The following PCCA variants were observed in gnomAD, a reference collection of about 807,000 sequenced individuals.
PCCA encodes propionyl-CoA carboxylase alpha chain, mitochondrial.
PCCA carries 74 observed loss-of-function variants against 101.3 expected under a neutral mutation model. That is an observed-to-expected ratio of 0.73 (90% CI 0.61 to 0.89). PCCA has a LOEUF of 0.89. PCCA is among the 40% of genes least tolerant of loss of function. PCCA has a pLI of 0.00. For missense variants in PCCA, 891 were observed against 907.0 expected (o/e 0.98, Z 0.23); for synonymous variants, 294 against 313.6 (o/e 0.94, Z 0.66).
At position 100,157,177 on chromosome 13, in the gene PCCA, T is replaced by G. The variant is rs182924289; in HGVS notation, c.415-110T>G. ...CAGTGTATAAGAGAAGTGTACTTAT[T>G]CAAGGGCTCTTGAACAGTAAATATT... On this transcript the variant is annotated intron_variant, in intron 5 of 23. Transcript: ENST00000376285. 2,775 of 706,430 alleles carry G rather than the reference T, an allele frequency of 3.9e-3. 7 individuals carry two copies. Among genetic ancestry groups the G allele is most frequent in the Non-Finnish European group, 4.7e-3 (1,859 of 399,552 alleles). The allele number at this position is 706,430 out of a possible 1,614,324, so 43.8% of individuals were successfully genotyped here. A position where few individuals can be genotyped will look rare whatever the true frequency, so the allele number is the denominator to read the frequency against.
intron 1 of PCCA, among the ~76,000 whole-genome samples, chr13:100,096,829 A>C (rs970816065): frequency 1.4e-4 from 22 of 152,236 alleles, no homozygotes; most frequent in Non-Finnish European, 2.8e-4. Context: ...AGTTCTGCGA[A>C]GGCTGAGAGA....
intron 18 of PCCA, among the ~76,000 whole-genome samples, chr13:100,361,150 A>G (rs4772287): frequency 0.68 from 102,627 of 151,754 alleles, 35,356 homozygotes; most frequent in Middle Eastern, 0.79. Flanking sequence ...GAGGGAGGGG[A>G]AATAAATAGG....
chr13:100,458,882 T>C (rs1292324160), intron 21 of PCCA, among the ~76,000 whole-genome samples: 3 of 152,138 alleles, frequency 2.0e-5, no homozygotes, highest in African/African-American at 7.2e-5. Context: ...CCGTGTTAGT[T>C]TCCTAGGGCT....
chr13:100,397,566 T>TG (rs1347152039), intron 19 of PCCA, among the ~76,000 whole-genome samples: 2 of 152,014 alleles, frequency 1.3e-5, no homozygotes, highest in Non-Finnish European at 2.9e-5. Context: ...GTGTTTTTTT[T>TG]GAAGGTATTC....
At chr13:100,357,546 GA>G in intron 18 of PCCA, among the ~76,000 whole-genome samples, 1 of 152,258 alleles carries the variant, frequency 6.6e-6, no homozygotes. Flanking sequence ...AAACAACACG[GA>G]AAAGTTTCAG....
chr13:100,489,410 A>C (rs2084710447), intron 21 of PCCA, among the ~76,000 whole-genome samples: 2 of 152,258 alleles, frequency 1.3e-5, no homozygotes, highest in Non-Finnish European at 2.9e-5. Context: ...TGTAACATGC[A>C]AAACAGGTAA....
At chr13:100,136,532 TTTC>T (rs1263883176) in intron 4 of PCCA, among the ~76,000 whole-genome samples, 1 of 152,142 alleles carries the variant, frequency 6.6e-6, no homozygotes, top group African/African-American at 2.4e-5. Flanking sequence ...GGCCTGGAGA[TTTC>T]TTCTTCAGAA....
chr13:100,308,303 T>A (rs2066624399), intron 15 of PCCA, among the ~76,000 whole-genome samples: 1 of 152,210 alleles, frequency 6.6e-6, no homozygotes, highest in Admixed American at 6.5e-5. Context: ...AACACTTTTT[T>A]ATCTGTCTTT....
intron 19 of PCCA, among the ~76,000 whole-genome samples, chr13:100,413,785 C>G (rs1257771148): frequency 6.6e-6 from 1 of 152,192 alleles, no homozygotes; most frequent in African/African-American, 2.4e-5. Context: ...CATAGAAACA[C>G]AGGATTCCAC....
At chr13:100,108,768 A>G (rs577203402) in intron 2 of PCCA, among the ~76,000 whole-genome samples, 1 of 152,218 alleles carries the variant, frequency 6.6e-6, no homozygotes, top group Non-Finnish European at 1.5e-5. Context: ...ATTTGTATGC[A>G]TATTCTTTTA....
At chr13:100,098,993 A>T (rs1215241244) in intron 1 of PCCA, among the ~76,000 whole-genome samples, 5 of 152,186 alleles carry the variant, frequency 3.3e-5, no homozygotes, top group Non-Finnish European at 7.3e-5. Context: ...TAAGACCTTC[A>T]CCTGGAATTT....
intron 21 of PCCA, among the ~76,000 whole-genome samples, chr13:100,475,885 GCTTT>G (rs1236213752): frequency 6.6e-6 from 1 of 152,096 alleles, no homozygotes; most frequent in Non-Finnish European, 1.5e-5. Context: ...GTAGTATTCT[GCTTT>G]CTTCCCTAGA....
chr13:100,356,649 A>T (rs2073990608), intron 18 of PCCA, among the ~76,000 whole-genome samples: 1 of 152,160 alleles, frequency 6.6e-6, no homozygotes, highest in African/African-American at 2.4e-5. Context: ...TGAACTTGGG[A>T]ATAATTTGAC....
At chr13:100,213,957 G>C (rs574940038) in intron 7 of PCCA, among the ~76,000 whole-genome samples, 1 of 152,038 alleles carries the variant, frequency 6.6e-6, no homozygotes, top group Non-Finnish European at 1.5e-5. Context: ...CTGGTTATCC[G>C]GTTCTCCGAG....
intron 21 of PCCA, among the ~76,000 whole-genome samples, chr13:100,458,850 C>T (rs553658740): frequency 1.6e-3 from 245 of 152,238 alleles, no homozygotes; most frequent in Admixed American, 3.5e-3. Context: ...TCTGCCACTC[C>T]CAAACAGTAA....
At chr13:100,287,355 G>T (rs917769050) in intron 12 of PCCA, among the ~76,000 whole-genome samples, 2 of 150,916 alleles carry the variant, frequency 1.3e-5, no homozygotes, top group African/African-American at 4.8e-5. Context: ...AGAAGAAAAA[G>T]AAATTAAAAT....
chr13:100,285,380 G>A (rs191111421), intron 12 of PCCA, among the ~76,000 whole-genome samples: 6 of 152,250 alleles, frequency 3.9e-5, no homozygotes, highest in African/African-American at 9.6e-5. Flanking sequence ...AGAGAGAGCC[G>A]GGATAGCTCT....
At chr13:100,380,394 C>A (rs1011421114) in intron 19 of PCCA, among the ~76,000 whole-genome samples, 6 of 152,106 alleles carry the variant, frequency 3.9e-5, no homozygotes, top group South Asian at 4.1e-4. Context: ...CCACAAAAAT[C>A]CAGAATTGGA....
chr13:100,491,696 T>A, intron 21 of PCCA: 1 of 1,303,644 alleles, frequency 7.7e-7, no homozygotes, highest in Non-Finnish European at 1.0e-6. Context: ...TGGCAGAAGG[T>A]GCTGCGGCCT....
Sources: allele counts gnomAD v4.1 joint callset (sites outside exome capture counted in the v4.1 genomes callset), GRCh38; gene constraint gnomAD v4.1.1; transcripts MANE v1.5; gene names NCBI Gene and HGNC (gene_info 2026-07-23, HGNC 2026-07-21).